ERC2: variants seen among roughly 807,000 people sequenced by gnomAD.
The protein encoded by ERC2 is ELKS/RAB6-interacting/CAST family member 2.
In ERC2, 42 loss-of-function variants were observed where a neutral mutation model predicts 114.8. The ratio of observed to expected loss-of-function variants is 0.37; its 90% CI spans 0.29 to 0.47. The LOEUF (loss-of-function observed/expected upper bound fraction) is 0.47. ERC2 is among the 20% of genes least tolerant of loss of function. ERC2 has a pLI of 0.99. For synonymous variants in ERC2, 454 were observed against 425.5 expected (o/e 1.07, Z -0.82); for missense variants, 939 against 1,150.7 (o/e 0.82, Z 2.66).
At chr3:55,750,279 A>G (rs534721911) in intron 14 of ERC2, among the ~76,000 whole-genome samples, 1 of 152,332 alleles carries the variant, frequency 6.6e-6, no homozygotes, top group South Asian at 2.1e-4. Flanking sequence ...TGATTACTAT[A>G]TGTATAAGCA....
intron 7 of ERC2, among the ~76,000 whole-genome samples, chr3:56,040,743 T>G (rs6795659): frequency 0.33 from 46,490 of 141,990 alleles, 8,477 homozygotes; most frequent in East Asian, 0.54. Context: ...TCTATATATA[T>G]AGAGAGAGAT....
intron 3 of ERC2, among the ~76,000 whole-genome samples, chr3:56,206,556 T>A (rs941052737): frequency 5.9e-5 from 9 of 152,224 alleles, no homozygotes; most frequent in Non-Finnish European, 8.8e-5. Context: ...TTATCCATTA[T>A]AAGAGTTACA....
At chr3:55,819,451 T>C (rs1284256419) in intron 14 of ERC2, among the ~76,000 whole-genome samples, 3 of 152,258 alleles carry the variant, frequency 2.0e-5, no homozygotes, top group Non-Finnish European at 2.9e-5. Flanking sequence ...AATAACTTTA[T>C]GCAGTACAAT....
chr3:55,679,368 G>A (rs1481728106), intron 17 of ERC2, among the ~76,000 whole-genome samples: 1 of 152,210 alleles, frequency 6.6e-6, no homozygotes, highest in Non-Finnish European at 1.5e-5. Flanking sequence ...CTTCCTTGGA[G>A]AGATGCTTGC....
rs149143948 is a variant in ERC2, at chr3:56,365,670, G to C, written c.657+68681C>G. On this transcript the variant is annotated intron_variant, in intron 2 of 17. Transcript: ENST00000288221. The stretch of plus-strand genomic sequence containing the variant: ...AAAACACAATAGTATGTTATTTCAT[G>C]ACACACAGAAATTATATAAAATTCA... Among the ~76,000 whole-genome samples, 360 of 152,318 alleles carry C rather than the reference G, an allele frequency of 2.4e-3. 2 individuals are homozygous for C. Among genetic ancestry groups the C allele is most frequent in the African/African-American group, 8.4e-3 (350 of 41,576 alleles).
At position 55,632,779 on chromosome 3, in the gene ERC2, C is replaced by T. The variant is rs150406816; in HGVS notation, c.*39+51015G>A. On this transcript the variant is annotated intron_variant, in intron 17 of 17. Coordinates refer to ENST00000288221, the MANE Select transcript of ERC2 (RefSeq NM_015576.3). ...TCTCACCCCAATTAACACCAAGATC[C>T]TCAATATAATTCTGTGAAAGAAAGG... 2.5e-3 allele frequency among the ~76,000 whole-genome samples: 378 copies of T among 152,136 alleles called. 2 individuals carry two copies. Among genetic ancestry groups the T allele is most frequent in the African/African-American group, 8.8e-3 (367 of 41,488 alleles).
chr3:55,669,717 T>G (rs2061485454), intron 17 of ERC2, among the ~76,000 whole-genome samples: 1 of 152,224 alleles, frequency 6.6e-6, no homozygotes, highest in African/African-American at 2.4e-5. Flanking sequence ...CTGGACAGTT[T>G]GCTTGACTCT....
intron 15 of ERC2, among the ~76,000 whole-genome samples, chr3:55,728,168 C>A (rs2065036344): frequency 6.6e-6 from 1 of 152,116 alleles, no homozygotes; most frequent in Non-Finnish European, 1.5e-5. Context: ...AATGTGCTAG[C>A]AATTGTGTTA....
intron 14 of ERC2, among the ~76,000 whole-genome samples, chr3:55,884,244 G>A (rs1184049943): frequency 3.3e-5 from 5 of 152,186 alleles, no homozygotes; most frequent in Non-Finnish European, 5.9e-5. Context: ...AGTATATTGA[G>A]TAATTAAAAA....
chr3:56,170,630 T>C, intron 4 of ERC2, among the ~76,000 whole-genome samples: 1 of 142,866 alleles, frequency 7.0e-6, no homozygotes, highest in African/African-American at 2.6e-5. Flanking sequence ...AGTGTCTCAC[T>C]ATGTCACCCA....
At chr3:56,098,408 C>A (rs1222362445) in intron 6 of ERC2, among the ~76,000 whole-genome samples, 1 of 152,154 alleles carries the variant, frequency 6.6e-6, no homozygotes, top group South Asian at 2.1e-4. Flanking sequence ...CACTTTAGAT[C>A]CTGCCAGGAA....
rs528763223 is a variant in ERC2, at chr3:56,417,633, A to C, written c.657+16718T>G. Among the ~76,000 whole-genome samples, 3 of 152,218 alleles carry C rather than the reference A, an allele frequency of 2.0e-5. No individual in the cohort carries two copies. In the South Asian group the frequency reaches 6.2e-4, roughly 32 times the overall value. On this transcript the variant is annotated intron_variant, in intron 2 of 17. Coordinates refer to ENST00000288221, the MANE Select transcript of ERC2 (RefSeq NM_015576.3). ...TATTACCACATCTATTTTACAGGTA[A>C]GGAAACAAGTGCAGAGAGATAAAGT...
chr3:55,832,364 G>A (rs1446278860), intron 14 of ERC2, among the ~76,000 whole-genome samples: 5 of 152,316 alleles, frequency 3.3e-5, no homozygotes, highest in East Asian at 3.9e-4. Flanking sequence ...CCCCCAGTAG[G>A]GGCAGACTGA....
intron 17 of ERC2, among the ~76,000 whole-genome samples, chr3:55,643,721 T>C (rs1300138700): frequency 6.6e-6 from 1 of 152,218 alleles, no homozygotes; most frequent in Non-Finnish European, 1.5e-5. Flanking sequence ...TATGTATTAC[T>C]GAACAAGCAT....
chr3:55,587,928 G>T (rs1044579675), intron 17 of ERC2, among the ~76,000 whole-genome samples: 1 of 152,168 alleles, frequency 6.6e-6, no homozygotes, highest in Non-Finnish European at 1.5e-5. Flanking sequence ...GCCAGTGGTG[G>T]GATGGTAATG....
chr3:55,695,731 A>G (rs191331019), intron 16 of ERC2, among the ~76,000 whole-genome samples: 1 of 152,346 alleles, frequency 6.6e-6, no homozygotes, highest in Non-Finnish European at 1.5e-5. Context: ...CTGATAAAAA[A>G]TACTGCTGGA....
intron 3 of ERC2, among the ~76,000 whole-genome samples, chr3:56,205,844 C>G (rs1006495341): frequency 5.9e-5 from 9 of 152,194 alleles, no homozygotes; most frequent in African/African-American, 1.7e-4. Flanking sequence ...CTGAATGGCT[C>G]TCTGAAATTT....
intron 3 of ERC2, among the ~76,000 whole-genome samples, chr3:56,293,620 A>T (rs573774966): frequency 4.7e-4 from 72 of 152,172 alleles, no homozygotes; most frequent in African/African-American, 1.7e-3. Context: ...ATACAGATGT[A>T]TTTTCCAAAT....
chr3:56,218,800 G>T (rs13069942), intron 3 of ERC2, among the ~76,000 whole-genome samples: 68,938 of 151,862 alleles, frequency 0.45, 16,104 homozygotes, highest in East Asian at 0.71. Context: ...CATGGAATAC[G>T]ATGCAGCCAT....
Sources: gnomAD v4.1 joint callset for allele counts (sites outside exome capture counted in the v4.1 genomes callset) on GRCh38, gnomAD v4.1.1 for gene constraint, MANE v1.5 for transcripts, NCBI Gene and HGNC (gene_info 2026-07-23, HGNC 2026-07-21) for gene names.